The following STARD13 variants were observed in gnomAD, a reference collection of about 807,000 sequenced individuals.
STARD13 encodes the protein stAR-related lipid transfer protein 13.
Under a neutral mutation model 106.4 loss-of-function variants are expected in STARD13, and 62 were observed. The ratio of observed to expected loss-of-function variants is 0.58; its 90% CI spans 0.48 to 0.72. The LOEUF (loss-of-function observed/expected upper bound fraction) is 0.72. STARD13 is among the 30% of genes least tolerant of loss of function. The probability of loss-of-function intolerance (pLI) is 0.00; values close to 1 mark genes in which losing one functional copy is unlikely to be tolerated. For missense variants in STARD13, 1,387 were observed against 1,424.0 expected, an observed-to-expected ratio of 0.97 and a Z score of 0.42; for synonymous variants, 565 against 553.0, an observed-to-expected ratio of 1.02 and a Z score of -0.31.
intron 1 of STARD13, among the ~76,000 whole-genome samples, chr13:33,259,709 A>G (rs1890541888): frequency 6.6e-6 from 1 of 152,216 alleles, no homozygotes; most frequent in South Asian, 2.1e-4. Flanking sequence ...CATTACCAAT[A>G]TTCCAAATTT....
chr13:33,376,212 G>T, the STARD13 span, among the ~76,000 whole-genome samples: 2 of 152,118 alleles, frequency 1.3e-5, no homozygotes, highest in Admixed American at 6.5e-5. Context: ...GTTTGTAGTG[G>T]GTAGAGATGA....
At chr13:33,346,803 T>G (rs2078022271), downstream of STARD13, among the ~76,000 whole-genome samples, 1 of 151,362 alleles carries the variant, frequency 6.6e-6, no homozygotes. Flanking sequence ...CTAATTTTTT[T>G]GTATTTTTTT....
At chr13:33,516,756 T>C in the STARD13 span, among the ~76,000 whole-genome samples, 2 of 151,846 alleles carry the variant, frequency 1.3e-5, no homozygotes, top group Non-Finnish European at 2.9e-5. Flanking sequence ...AAACCAGATT[T>C]TGAGGACTTA....
intron 1 of STARD13, among the ~76,000 whole-genome samples, chr13:33,219,848 A>AAAGAG (rs1183737780): frequency 6.6e-6 from 1 of 151,852 alleles, no homozygotes; most frequent in African/African-American, 2.4e-5. Context: ...AGAAAGAAGA[A>AAAGAG]AAGAGAAGAA....
chr13:33,243,749 T>G (rs1889676892), intron 1 of STARD13, among the ~76,000 whole-genome samples: 1 of 152,108 alleles, frequency 6.6e-6, no homozygotes. Flanking sequence ...TTCATAGAAC[T>G]TGGAGATTCT....
At chr13:33,464,045 A>ATATATATATATATATATG in the STARD13 span, among the ~76,000 whole-genome samples, 1 of 147,080 alleles carries the variant, frequency 6.8e-6, no homozygotes, top group Non-Finnish European at 1.5e-5. Flanking sequence ...ATATATATGT[A>ATATATATATATATATATG]TATGTATATG....
chr13:33,313,366 T>C (rs1012178146), intron 1 of STARD13, among the ~76,000 whole-genome samples: 1 of 152,202 alleles, frequency 6.6e-6, no homozygotes, highest in Non-Finnish European at 1.5e-5. Flanking sequence ...AATATTTCCA[T>C]TTGTATGTCC....
chr13:33,311,384 A>G (rs1185444602), intron 1 of STARD13, among the ~76,000 whole-genome samples: 2 of 152,182 alleles, frequency 1.3e-5, no homozygotes, highest in South Asian at 2.1e-4. Context: ...ACTATCATAT[A>G]TGTGGTCCAT....
chr13:33,289,579 G>A (rs1892206382), upstream of STARD13, among the ~76,000 whole-genome samples: 1 of 152,126 alleles, frequency 6.6e-6, no homozygotes, highest in African/African-American at 2.4e-5. Context: ...GACAGGGAAG[G>A]AAAAACACGG....
At chr13:33,633,328 T>C in the STARD13 span, among the ~76,000 whole-genome samples, 2 of 152,214 alleles carry the variant, frequency 1.3e-5, no homozygotes, top group Non-Finnish European at 2.9e-5. Flanking sequence ...ATTAGATTCT[T>C]GTAAATGGAA....
intron 2 of STARD13, among the ~76,000 whole-genome samples, chr13:33,165,788 A>G (rs1361044942): frequency 6.6e-6 from 1 of 152,220 alleles, no homozygotes; most frequent in African/African-American, 2.4e-5. Flanking sequence ...GTTTCACGAA[A>G]TACTTAATTT....
chr13:33,350,098 C>A (rs1373767233), intron 1 of STARD13, among the ~76,000 whole-genome samples: 1 of 152,138 alleles, frequency 6.6e-6, no homozygotes, highest in Non-Finnish European at 1.5e-5. Context: ...CCCACACCCA[C>A]CGGGAGGCGC....
chr13:33,268,159 A>G (rs9527307), intron 1 of STARD13, among the ~76,000 whole-genome samples: 46,902 of 152,106 alleles, frequency 0.31, 7,460 homozygotes, highest in African/African-American at 0.33. Flanking sequence ...ATTATCTATC[A>G]TACCAAGAGT....
the STARD13 span, among the ~76,000 whole-genome samples, chr13:33,507,576 A>G: frequency 6.6e-6 from 1 of 152,174 alleles, no homozygotes; most frequent in African/African-American, 2.4e-5. Flanking sequence ...TGTGTGTTCA[A>G]TAATTACAAT....
At chr13:33,325,598 A>G (rs978506804) in intron 1 of STARD13, among the ~76,000 whole-genome samples, 1 of 152,086 alleles carries the variant, frequency 6.6e-6, no homozygotes, top group Admixed American at 6.5e-5. Context: ...CGAAGAAAAG[A>G]TTTTTTTCAA....
At chr13:33,414,703 T>C in the STARD13 span, among the ~76,000 whole-genome samples, 1 of 152,208 alleles carries the variant, frequency 6.6e-6, no homozygotes, top group Non-Finnish European at 1.5e-5. Flanking sequence ...CTTGTGGTGA[T>C]GAAAATGTTC....
At chr13:33,399,700 C>CAAAAAAAAAAAAAA in the STARD13 span, among the ~76,000 whole-genome samples, 1 of 26,948 alleles carries the variant, frequency 3.7e-5, no homozygotes, top group Non-Finnish European at 9.0e-5. Context: ...GACTCTGTCT[C>CAAAAAAAAAAAAAA]AAAAAAAAAA....
At chr13:33,239,040 C>G (rs573405685) in intron 1 of STARD13, among the ~76,000 whole-genome samples, 25 of 152,040 alleles carry the variant, frequency 1.6e-4, no homozygotes, top group Non-Finnish European at 2.8e-4. Flanking sequence ...TTCCCCCTCC[C>G]CCCCAGCCAC....
intron 1 of STARD13, among the ~76,000 whole-genome samples, chr13:33,339,420 C>T (rs1315134966): frequency 6.6e-6 from 1 of 152,224 alleles, no homozygotes; most frequent in Non-Finnish European, 1.5e-5. Context: ...GCTTCTAGCA[C>T]TGTAGTTGTG....
Sources: allele counts gnomAD v4.1 joint callset (sites outside exome capture counted in the v4.1 genomes callset), GRCh38; gene constraint gnomAD v4.1.1; transcripts MANE v1.5; gene names NCBI Gene and HGNC (gene_info 2026-07-23, HGNC 2026-07-21).